PLCB1: variants seen among roughly 807,000 people sequenced by gnomAD.
The protein encoded by PLCB1 is 1-phosphatidylinositol 4,5-bisphosphate phosphodiesterase beta-1.
Under a neutral mutation model 161.8 loss-of-function variants are expected in PLCB1, and 46 were observed. The ratio of observed to expected loss-of-function variants is 0.28; its 90% confidence interval spans 0.22 to 0.36. PLCB1 has a LOEUF of 0.36. Ranked by LOEUF, PLCB1 falls within the 10% of genes least tolerant of loss-of-function variation. PLCB1 has a pLI of 1.00. For missense variants in PLCB1, 1,016 were observed against 1,472.5 expected (o/e 0.69, Z 5.07); for synonymous variants, 517 against 503.7 (o/e 1.03, Z -0.35).
chr20:8,518,333 C>T (rs1037165727), intron 3 of PLCB1, among the ~76,000 whole-genome samples: 19 of 152,254 alleles, frequency 1.2e-4, no homozygotes, highest in African/African-American at 4.6e-4. Flanking sequence ...TTTTCTCTCC[C>T]AGCTTCAGCA....
At chr20:8,613,809 C>CT (rs1175849797) in intron 3 of PLCB1, among the ~76,000 whole-genome samples, 3 of 151,676 alleles carry the variant, frequency 2.0e-5, no homozygotes, top group Non-Finnish European at 4.4e-5. Flanking sequence ...GTAAGGAAAG[C>CT]TTTTTTATAC....
chr20:8,763,061 G>A (rs1044656731), intron 25 of PLCB1, among the ~76,000 whole-genome samples: 4 of 152,166 alleles, frequency 2.6e-5, no homozygotes, highest in Admixed American at 1.3e-4. Context: ...AGCATCCTAC[G>A]TTCATGTATT....
At chr20:8,238,883 AC>A (rs1980463002) in intron 2 of PLCB1, among the ~76,000 whole-genome samples, 1 of 151,624 alleles carries the variant, frequency 6.6e-6, no homozygotes, top group Non-Finnish European at 1.5e-5. Flanking sequence ...AAGACATCAG[AC>A]CCCGAGAAGC....
chr20:8,388,264 T>C (rs760066751), intron 3 of PLCB1, among the ~76,000 whole-genome samples: 24 of 152,276 alleles, frequency 1.6e-4, no homozygotes, highest in Non-Finnish European at 2.9e-4. Flanking sequence ...TATTTAAGGG[T>C]TGTCAAATCT....
intron 2 of PLCB1, among the ~76,000 whole-genome samples, chr20:8,315,914 C>G (rs1007264604): frequency 6.6e-6 from 1 of 152,116 alleles, no homozygotes; most frequent in African/African-American, 2.4e-5. Context: ...GAAAGCTGAC[C>G]ATATTGATTG....
chr20:8,387,342 G>A (rs1050860911), intron 3 of PLCB1, among the ~76,000 whole-genome samples: 3 of 152,086 alleles, frequency 2.0e-5, no homozygotes, highest in African/African-American at 7.2e-5. Context: ...TTTCAATATT[G>A]TTGTGTCTCA....
intron 3 of PLCB1, among the ~76,000 whole-genome samples, chr20:8,622,865 G>A (rs1300396580): frequency 6.6e-6 from 1 of 151,950 alleles, no homozygotes; most frequent in East Asian, 1.9e-4. Context: ...AAGTAATTGG[G>A]GTTTTGCCAT....
chr20:8,538,335 A>AC (rs1246348530), intron 3 of PLCB1, among the ~76,000 whole-genome samples: 6 of 152,170 alleles, frequency 3.9e-5, no homozygotes, highest in Non-Finnish European at 8.8e-5. Context: ...TCTTTGTAGC[A>AC]CATTCCCCTT....
intron 3 of PLCB1, among the ~76,000 whole-genome samples, chr20:8,473,867 TTA>T (rs1212781974): frequency 7.2e-5 from 11 of 152,174 alleles, no homozygotes; most frequent in Admixed American, 6.5e-5. Context: ...TTAACCCCAT[TTA>T]TATAATATGG....
At chr20:8,708,261 A>G (rs774426435) in intron 11 of PLCB1, among the ~76,000 whole-genome samples, 15 of 152,218 alleles carry the variant, frequency 9.9e-5, no homozygotes, top group Non-Finnish European at 1.8e-4. Context: ...CTACATAAAT[A>G]CATGAGAGAC....
At chr20:8,297,067 TAC>T (rs562366969) in intron 2 of PLCB1, among the ~76,000 whole-genome samples, 10 of 151,934 alleles carry the variant, frequency 6.6e-5, no homozygotes, top group Admixed American at 3.3e-4. Flanking sequence ...AACACATGCA[TAC>T]ACACACACCT....
chr20:8,684,310 G>A (rs911850860), intron 9 of PLCB1, among the ~76,000 whole-genome samples: 1 of 151,628 alleles, frequency 6.6e-6, no homozygotes, highest in Non-Finnish European at 1.5e-5. Context: ...AGGCTGGAGT[G>A]CAGTGGCGCC....
At chr20:8,873,602 A>G (rs924616441) in intron 31 of PLCB1, among the ~76,000 whole-genome samples, 1 of 152,272 alleles carries the variant, frequency 6.6e-6, no homozygotes, top group Non-Finnish European at 1.5e-5. Flanking sequence ...TCATAATTCT[A>G]ACACAGTTTA....
At chr20:8,711,517 A>T (rs896735091) in intron 12 of PLCB1, among the ~76,000 whole-genome samples, 2 of 152,238 alleles carry the variant, frequency 1.3e-5, no homozygotes, top group Non-Finnish European at 2.9e-5. Context: ...AAAACAGGAA[A>T]ACAGCCTTTC....
intron 24 of PLCB1, 91 bp downstream of exon 24, chr20:8,757,269 A>C: frequency 7.5e-7 from 1 of 1,339,392 alleles, no homozygotes; most frequent in Non-Finnish European, 1.0e-6. Flanking sequence ...GGGTAGCTAA[A>C]GCATCAAGTG....
At chr20:8,329,973 C>T (rs1229722350) in intron 2 of PLCB1, among the ~76,000 whole-genome samples, 2 of 152,134 alleles carry the variant, frequency 1.3e-5, no homozygotes, top group African/African-American at 4.8e-5. Context: ...TAATTAAATG[C>T]TGACATATTT....
intron 2 of PLCB1, among the ~76,000 whole-genome samples, chr20:8,354,211 A>G (rs890919993): frequency 3.3e-5 from 5 of 152,176 alleles, no homozygotes; most frequent in African/African-American, 1.2e-4. Flanking sequence ...TGAGTTGTAT[A>G]CTTAAAAATG....
At chr20:8,877,546 C>G (rs1987821557) in intron 31 of PLCB1, among the ~76,000 whole-genome samples, 4 of 152,268 alleles carry the variant, frequency 2.6e-5, no homozygotes, top group Admixed American at 2.0e-4. Flanking sequence ...TCAGAAACCC[C>G]ACAACCCCCT....
intron 3 of PLCB1, among the ~76,000 whole-genome samples, chr20:8,469,930 T>A (rs538598326): frequency 6.6e-6 from 1 of 152,266 alleles, no homozygotes; most frequent in South Asian, 2.1e-4. Flanking sequence ...TAGTCATTCC[T>A]CATTTCTCAA....
Sources: gnomAD v4.1 joint callset for allele counts (sites outside exome capture counted in the v4.1 genomes callset) on GRCh38, gnomAD v4.1.1 for gene constraint, MANE v1.5 for transcripts, NCBI Gene and HGNC (gene_info 2026-07-23, HGNC 2026-07-21) for gene names.